The following AP2B1 variants were observed in gnomAD, a reference collection of about 807,000 sequenced individuals.
AP2B1 encodes adaptor related protein complex 2 subunit beta 1.
A neutral mutation model predicts 102.0 loss-of-function variants in AP2B1; 23 were observed. That is an observed-to-expected ratio of 0.23 (90% CI 0.16 to 0.32). The LOEUF (loss-of-function observed/expected upper bound fraction) is 0.32, where lower values mean the gene tolerates loss of function less well. Ranked by LOEUF, AP2B1 falls within the 10% of genes least tolerant of loss-of-function variation. AP2B1 has a pLI of 1.00. For synonymous variants in AP2B1, 381 were observed against 421.2 expected, an observed-to-expected ratio of 0.90 and a Z score of 1.17; for missense variants, 541 against 1,157.4, an observed-to-expected ratio of 0.47 and a Z score of 7.73.
intron 21 of AP2B1, among the ~76,000 whole-genome samples, chr17:35,719,215 CTATAGACATTA>C (rs1398050610): frequency 1.3e-5 from 2 of 152,156 alleles, no homozygotes; most frequent in East Asian, 3.9e-4. Flanking sequence ...ATAAACTAAA[CTATAGACATTA>C]TTCTAATTTC....
rs985677151 is a variant in AP2B1 at position 35,612,878 on chromosome 17, GCGCA to G, written c.525+4493_525+4496del. Among the ~76,000 whole-genome samples, 77 of 79,772 alleles carry G rather than the reference GCGCA, an allele frequency of 9.7e-4. No homozygotes were observed. The South Asian group carries it at 0.011, about 11-fold the overall frequency. 52.3% of individuals were successfully genotyped at this position (79,772 alleles called of 152,430 possible). ...CCTGAGGTCATTTAAATGTGTATGT[GCGCA>G]CACACACACACACACACACACACAC... On this transcript the variant is annotated intron_variant, in intron 5 of 21. Transcript: ENST00000610402.
intron 1 of AP2B1, among the ~76,000 whole-genome samples, chr17:35,590,262 G>T (rs961535800): frequency 6.6e-6 from 1 of 152,052 alleles, no homozygotes; most frequent in East Asian, 1.9e-4. Flanking sequence ...CTGTATTTTG[G>T]AGACTCTGGC....
In AP2B1 at chr17:35,611,482, C is replaced by T. The variant is rs182105302; in HGVS notation, c.525+3095C>T. ...GTAAAGTCGTGTGTGTGTGTGTGTG[C>T]GCGCGCGCACGTGCGCACACACACT... On this transcript the variant is annotated intron_variant, in intron 5 of 21. Coordinates refer to ENST00000610402, the MANE Select transcript of AP2B1 (RefSeq NM_001030006.2). Among the ~76,000 whole-genome samples the T allele has an allele frequency of 6.4e-3, 931 of 144,612 alleles. 40 individuals are homozygous for T. Among genetic ancestry groups the T allele is most frequent in the Admixed American group, 0.056 (827 of 14,726 alleles). 94.9% of individuals were successfully genotyped at this position (144,612 alleles called of 152,430 possible).
At chr17:35,656,538 T>G (rs534716635) in intron 13 of AP2B1, among the ~76,000 whole-genome samples, 4 of 152,230 alleles carry the variant, frequency 2.6e-5, no homozygotes, top group Non-Finnish European at 4.4e-5. Flanking sequence ...TTCTCTAATG[T>G]TATTTTTAGT....
intron 13 of AP2B1, among the ~76,000 whole-genome samples, chr17:35,652,647 T>C (rs1448720986): frequency 3.9e-5 from 6 of 152,212 alleles, no homozygotes; most frequent in Non-Finnish European, 7.4e-5. Context: ...AATTTTCTTA[T>C]ATTTTCCATT....
intron 3 of AP2B1, among the ~76,000 whole-genome samples, chr17:35,599,262 TGACA>T (rs904969061): frequency 3.3e-5 from 5 of 152,224 alleles, no homozygotes; most frequent in South Asian, 4.1e-4. Context: ...AAAGAATGAT[TGACA>T]GACAAACTAT....
intron 17 of AP2B1, among the ~76,000 whole-genome samples, chr17:35,675,702 C>T (rs946996062): frequency 6.7e-6 from 1 of 149,572 alleles, no homozygotes; most frequent in Non-Finnish European, 1.5e-5. Context: ...AGCACAATCT[C>T]GGCGGCTCAC....
intron 18 of AP2B1, among the ~76,000 whole-genome samples, chr17:35,693,738 A>G (rs980387954): frequency 7.3e-6 from 1 of 137,734 alleles, no homozygotes; most frequent in Admixed American, 7.6e-5. Context: ...AAGGGCAAGT[A>G]CTCAGAACAG....
chr17:35,620,580 C>T (rs1355720189), intron 5 of AP2B1, among the ~76,000 whole-genome samples: 1 of 152,084 alleles, frequency 6.6e-6, no homozygotes, highest in Non-Finnish European at 1.5e-5. Flanking sequence ...TTTGGGAGGC[C>T]AAACTGGGAG....
chr17:35,626,967 G>T lies in AP2B1; in HGVS notation c.938+125G>T. 3 of 953,360 alleles carry T rather than the reference G, an allele frequency of 3.1e-6. No individual in the cohort carries two copies. In the South Asian group the frequency reaches 5.0e-5, roughly 16 times the overall value. The allele number at this position is 953,360 out of a possible 1,614,324, so 59.1% of individuals were successfully genotyped here. A position where few individuals can be genotyped will look rare whatever the true frequency, so the allele number is the denominator to read the frequency against. ...ATGGAAATGAAAATGTTATATGGCA[G>T]AAAAACTTGCTTGCCTAGCACCAGG... On this transcript the variant is annotated intron_variant, in intron 7 of 21. Transcript: ENST00000610402.
In AP2B1 at chr17:35,598,149, G is replaced by A. The variant is rs752402444; in HGVS notation, c.38-81G>A. ...TTTTAGTTGCTGCCCTGCTATCCTGGTATTGGTTATTACATAGTGTAGTAT... is the reference window on the plus strand; with the variant it reads ...TTTTAGTTGCTGCCCTGCTATCCTGATATTGGTTATTACATAGTGTAGTAT... On this transcript the variant is annotated intron_variant, in intron 2 of 21. Coordinates refer to ENST00000610402, the MANE Select transcript of AP2B1 (RefSeq NM_001030006.2). 3.6e-5 allele frequency: 22 copies of A among 606,830 alleles called. No homozygotes were observed. The African/African-American group carries it at 3.9e-4, about 11-fold the overall frequency. The allele number at this position is 606,830 out of a possible 1,614,324, so 37.6% of individuals were successfully genotyped here. A position where few individuals can be genotyped will look rare whatever the true frequency, so the allele number is the denominator to read the frequency against.
intron 3 of AP2B1, among the ~76,000 whole-genome samples, chr17:35,602,084 T>C (rs867993860): frequency 9.8e-5 from 15 of 152,346 alleles, no homozygotes; most frequent in South Asian, 8.3e-4. Context: ...GTTAAAACTC[T>C]TGATTTTTTT....
chr17:35,616,984 G>A (rs962059897), intron 5 of AP2B1, among the ~76,000 whole-genome samples: 1 of 152,164 alleles, frequency 6.6e-6, no homozygotes, highest in African/African-American at 2.4e-5. Flanking sequence ...GAATATTAAA[G>A]GACAGAGGGC....
At chr17:35,653,997 G>A (rs1598186007) in intron 13 of AP2B1, among the ~76,000 whole-genome samples, 1 of 151,704 alleles carries the variant, frequency 6.6e-6, no homozygotes, top group East Asian at 1.9e-4. Flanking sequence ...GTTTTTGTTT[G>A]TGTCAAAATT....
intron 2 of AP2B1, chr17:35,597,191 C>A: frequency 2.3e-6 from 1 of 444,276 alleles, no homozygotes; most frequent in Admixed American, 3.5e-5. Flanking sequence ...CAGGAACAGT[C>A]TTGAAGGTGG....
chr17:35,678,154 C>G (rs1255770785), intron 17 of AP2B1, among the ~76,000 whole-genome samples: 1 of 152,002 alleles, frequency 6.6e-6, no homozygotes, highest in African/African-American at 2.4e-5. Flanking sequence ...AGTCACTGGG[C>G]CCAGCAGTAA....
intron 14 of AP2B1, among the ~76,000 whole-genome samples, chr17:35,662,529 TTTG>T (rs1488720418): frequency 3.3e-5 from 3 of 92,222 alleles, no homozygotes; most frequent in African/African-American, 1.1e-4. Context: ...TGGGTTTGGG[TTTG>T]TTTTTTTTTT....
intron 14 of AP2B1, among the ~76,000 whole-genome samples, chr17:35,664,039 C>G (rs2075410535): frequency 6.6e-6 from 1 of 152,058 alleles, no homozygotes. Context: ...GATTTACAGG[C>G]ATGAGCCACT....
intron 12 of AP2B1, among the ~76,000 whole-genome samples, chr17:35,647,782 GA>G (rs2074975823): frequency 6.6e-6 from 1 of 152,092 alleles, no homozygotes; most frequent in Non-Finnish European, 1.5e-5. Context: ...GCTAAATCGT[GA>G]ATCAATTCAT....
Sources: allele counts gnomAD v4.1 joint callset (sites outside exome capture counted in the v4.1 genomes callset), GRCh38; gene constraint gnomAD v4.1.1; transcripts MANE v1.5; gene names NCBI Gene and HGNC (gene_info 2026-07-23, HGNC 2026-07-21).